Variants in KIF26B observed in about 807,000 individuals in gnomAD.
The protein encoded by KIF26B is kinesin-like protein KIF26B.
Under a neutral mutation model 151.2 loss-of-function variants are expected in KIF26B, and 63 were observed. The ratio of observed to expected loss-of-function variants is 0.42; its 90% CI spans 0.34 to 0.51. The LOEUF (loss-of-function observed/expected upper bound fraction) is 0.51, where lower values mean the gene tolerates loss of function less well. Among genes scored for constraint, KIF26B ranks in the 20% least tolerant of loss-of-function variants. The pLI is 0.07. For missense variants in KIF26B, 2,813 were observed against 2,913.6 expected (o/e 0.97, Z 0.79); for synonymous variants, 1,357 against 1,262.1 (o/e 1.08, Z -1.59).
rs1427831270 is a variant in KIF26B, at chr1:245,241,355, C to G, written c.465+84672C>G. Among the ~76,000 whole-genome samples, 3 of 152,164 alleles carry G rather than the reference C, an allele frequency of 2.0e-5. No individual in the cohort carries two copies. The highest frequency in any genetic ancestry group is 2.0e-4 in the Admixed American group (3 of 15,278). On this transcript the variant is annotated intron_variant, in intron 2 of 14. Coordinates refer to ENST00000407071, the MANE Select transcript of KIF26B (RefSeq NM_018012.4). The surrounding 1 kb of genome is among the most constrained non-coding windows in gnomAD (Gnocchi z 5.0). ...TTTGGCCAGAGGGAGGCAGCTGGAT[C>G]GGCTTCTCCAGAGCCTGCTGGCTGG...
chr1:245,472,120 G>A (rs974917272), intron 4 of KIF26B, among the ~76,000 whole-genome samples: 5 of 152,160 alleles, frequency 3.3e-5, no homozygotes, highest in African/African-American at 1.2e-4. Context: ...GAGGGATATA[G>A]ACAATAAACA....
At chr1:245,670,927 C>A (rs1327401889) in intron 10 of KIF26B, among the ~76,000 whole-genome samples, 1 of 147,960 alleles carries the variant, frequency 6.8e-6, no homozygotes, top group Non-Finnish European at 1.5e-5. Flanking sequence ...GTTGTACTTT[C>A]AAATACTAGA....
chr1:245,219,790 C>G (rs1669727280), intron 2 of KIF26B, among the ~76,000 whole-genome samples: 1 of 152,146 alleles, frequency 6.6e-6, no homozygotes, highest in African/African-American at 2.4e-5. Flanking sequence ...GTGTGTCTTC[C>G]TGAGTTTTCA....
chr1:245,546,642 C>T (rs1661748205), intron 5 of KIF26B, among the ~76,000 whole-genome samples: 1 of 152,186 alleles, frequency 6.6e-6, no homozygotes, highest in Admixed American at 6.5e-5. Flanking sequence ...CACTGGATCC[C>T]AGTAGATTCT....
intron 2 of KIF26B, among the ~76,000 whole-genome samples, chr1:245,265,658 G>A (rs1670732151): frequency 6.6e-6 from 1 of 150,444 alleles, no homozygotes; most frequent in Non-Finnish European, 1.5e-5. Flanking sequence ...CGTGATCAGC[G>A]CTCACTGCAG....
intron 4 of KIF26B, among the ~76,000 whole-genome samples, chr1:245,515,605 A>G (rs563455348): frequency 6.6e-6 from 1 of 152,286 alleles, no homozygotes; most frequent in South Asian, 2.1e-4. Context: ...TTTTATACCA[A>G]TATTTTAGTT....
intron 2 of KIF26B, among the ~76,000 whole-genome samples, chr1:245,317,853 C>T (rs995243954): frequency 2.0e-5 from 3 of 152,168 alleles, no homozygotes; most frequent in African/African-American, 4.8e-5. Flanking sequence ...TGTTCAGATG[C>T]GCAGAGTTAA....
intron 2 of KIF26B, among the ~76,000 whole-genome samples, chr1:245,191,886 C>T (rs1260124722): frequency 1.3e-5 from 2 of 152,096 alleles, no homozygotes; most frequent in African/African-American, 4.8e-5. Context: ...ATCGAAACAA[C>T]AGTAAGCTAC....
chr1:245,433,416 G>A (rs1016894275), intron 4 of KIF26B, among the ~76,000 whole-genome samples: 3 of 150,806 alleles, frequency 2.0e-5, no homozygotes, highest in Admixed American at 6.6e-5. Flanking sequence ...GCAGTGAGCC[G>A]AGATTGCGCC....
intron 2 of KIF26B, among the ~76,000 whole-genome samples, chr1:245,279,965 G>A (rs1354109935): frequency 4.6e-4 from 70 of 152,120 alleles, no homozygotes; most frequent in African/African-American, 1.7e-3. Flanking sequence ...ACTCCGTTGA[G>A]TGATTTAAGA....
chr1:245,431,716 T>A (rs367801078), intron 4 of KIF26B, among the ~76,000 whole-genome samples: 11 of 151,982 alleles, frequency 7.2e-5, no homozygotes, highest in African/African-American at 1.4e-4. Flanking sequence ...TGACCTTGTG[T>A]TCCACCCACC....
chr1:245,170,000 T>G (rs1299994940), intron 2 of KIF26B, among the ~76,000 whole-genome samples: 2 of 152,162 alleles, frequency 1.3e-5, no homozygotes, highest in Non-Finnish European at 2.9e-5. Context: ...TTCACTTTGT[T>G]TTTTGTTTGG....
chr1:245,245,607 A>G (rs931617401), intron 2 of KIF26B, among the ~76,000 whole-genome samples: 1 of 152,096 alleles, frequency 6.6e-6, no homozygotes, highest in African/African-American at 2.4e-5. Context: ...CCTGGCCAAC[A>G]TGGTGAAACC....
chr1:245,655,445 A>G (rs933706646), intron 10 of KIF26B, among the ~76,000 whole-genome samples: 1 of 152,344 alleles, frequency 6.6e-6, no homozygotes, highest in South Asian at 2.1e-4. Context: ...ATTACCGTCT[A>G]TCGAAATGAA....
At chr1:245,190,641 T>TG (rs1052728488) in intron 2 of KIF26B, among the ~76,000 whole-genome samples, 1 of 148,622 alleles carries the variant, frequency 6.7e-6, no homozygotes, top group Non-Finnish European at 1.5e-5. Context: ...TTTGTTTTGT[T>TG]TTTTTTTTTT....
chr1:245,322,186 C>T (rs1671899132), intron 2 of KIF26B, among the ~76,000 whole-genome samples: 1 of 151,756 alleles, frequency 6.6e-6, no homozygotes, highest in Non-Finnish European at 1.5e-5. Context: ...AACACATGGA[C>T]ACAGGGAGGA....
intron 4 of KIF26B, among the ~76,000 whole-genome samples, chr1:245,522,337 T>C (rs1314953882): frequency 1.4e-5 from 2 of 141,344 alleles, no homozygotes; most frequent in Admixed American, 1.5e-4. Context: ...GCTGTGTTAG[T>C]TAGCTTAACA....
chr1:245,314,614 C>T lies in KIF26B; in HGVS notation c.466-52220C>T, dbSNP rs1671728223. On this transcript the variant is annotated intron_variant, in intron 2 of 14. Transcript: ENST00000407071. ...TTGAATGCTTGTCTGGGTGAGGGGA[C>T]GTCTCCTGGCTCACCCTCACCTCTG... Among the ~76,000 whole-genome samples, 5 of 152,004 alleles carry T rather than the reference C, an allele frequency of 3.3e-5. No homozygotes were observed. The South Asian group carries it at 8.3e-4, about 25-fold the overall frequency.
chr1:245,383,392 T>A (rs140220812), intron 3 of KIF26B, among the ~76,000 whole-genome samples: 544 of 152,294 alleles, frequency 3.6e-3, no homozygotes, highest in African/African-American at 0.013. Context: ...GAACACAGCC[T>A]TCGTGCAGGG....
Sources: allele counts gnomAD v4.1 joint callset (sites outside exome capture counted in the v4.1 genomes callset), GRCh38; gene constraint gnomAD v4.1.1; non-coding constraint Gnocchi (gnomAD v3.1); transcripts MANE v1.5; gene names NCBI Gene and HGNC (gene_info 2026-07-23, HGNC 2026-07-21).